Variants in CWH43 observed in about 807,000 individuals in gnomAD.
CWH43 encodes the protein cell wall biogenesis 43 C-terminal homolog.
Under a neutral mutation model 85.7 loss-of-function variants are expected in CWH43, and 91 were observed. The observed-to-expected ratio is 1.06, with a 90% CI of 0.90 to 1.26. CWH43 has a LOEUF of 1.26. CWH43 is among the 50% of genes most tolerant of loss of function. The pLI is 0.00. For missense variants in CWH43, 869 were observed against 839.2 expected (o/e 1.04, Z -0.44); for synonymous variants, 323 against 293.6 (o/e 1.10, Z -1.02).
intron 6 of CWH43, among the ~76,000 whole-genome samples, chr4:49,000,218 T>C (rs745810262): frequency 1.3e-5 from 2 of 152,160 alleles, no homozygotes; most frequent in Non-Finnish European, 2.9e-5. Context: ...AGATTTAGGA[T>C]GACAACATAG....
chr4:48,987,897 C>T (rs1453819989), intron 1 of CWH43, among the ~76,000 whole-genome samples: 4 of 151,964 alleles, frequency 2.6e-5, no homozygotes, highest in Non-Finnish European at 5.9e-5. Flanking sequence ...CTGCTTGCTG[C>T]CCTTTTGGAC....
At chr4:49,036,903 GCTACAT>G (rs1220255549) in intron 12 of CWH43, among the ~76,000 whole-genome samples, 11 of 152,238 alleles carry the variant, frequency 7.2e-5, no homozygotes, top group African/African-American at 2.2e-4. Context: ...CTCCTCCATT[GCTACAT>G]CTCCCACTAG....
intron 9 of CWH43, among the ~76,000 whole-genome samples, chr4:49,024,266 C>A (rs1263051286): frequency 6.6e-6 from 1 of 152,154 alleles, no homozygotes; most frequent in African/African-American, 2.4e-5. Flanking sequence ...TTGAAGACAG[C>A]AGGAACTTGG....
At chr4:49,029,966 T>G (rs1784042572) in intron 10 of CWH43, among the ~76,000 whole-genome samples, 1 of 152,206 alleles carries the variant, frequency 6.6e-6, no homozygotes, top group Non-Finnish European at 1.5e-5. Context: ...AGGTCCTCTG[T>G]ATGCTGAGCA....
chr4:49,008,774 C>T (rs1783251201), intron 8 of CWH43, among the ~76,000 whole-genome samples: 1 of 152,154 alleles, frequency 6.6e-6, no homozygotes, highest in Admixed American at 6.5e-5. Flanking sequence ...TGTCAAAGAT[C>T]AGATGGTTGT....
intron 10 of CWH43, among the ~76,000 whole-genome samples, chr4:49,028,970 C>A (rs1249976907): frequency 1.3e-5 from 2 of 152,162 alleles, no homozygotes; most frequent in Non-Finnish European, 2.9e-5. Context: ...TTCTGAGCAA[C>A]TCCTCATACT....
chr4:49,021,041 CAGA>C (rs1258157384), intron 9 of CWH43, among the ~76,000 whole-genome samples: 1 of 152,118 alleles, frequency 6.6e-6, no homozygotes, highest in African/African-American at 2.4e-5. Context: ...TTTTGCTGTG[CAGA>C]AGTTTTTAGT....
In CWH43 at chr4:49,028,745, C is replaced by A; in HGVS notation, c.1372+11C>A. 3 of 1,543,918 alleles carry A rather than the reference C, an allele frequency of 1.9e-6. No individual in the cohort carries two copies. The highest frequency in any genetic ancestry group is 2.7e-6 in the Non-Finnish European group (3 of 1,119,126). On this transcript the variant is annotated intron_variant, in intron 10 of 15. Coordinates refer to ENST00000226432, the MANE Select transcript of CWH43 (RefSeq NM_025087.3). The stretch of plus-strand genomic sequence containing the variant: ...TGCTCAATGAAACAGGTAAGTCTTC[C>A]TGGAATTAGTTCCAGGTTTTGAGAA...
chr4:49,000,197 T>C (rs1782945534), intron 6 of CWH43, among the ~76,000 whole-genome samples: 1 of 152,134 alleles, frequency 6.6e-6, no homozygotes, highest in Admixed American at 6.6e-5. Context: ...AGAGACTGTA[T>C]CAGTAATAGA....
At chr4:48,999,086 T>C (rs575434095) in intron 6 of CWH43, among the ~76,000 whole-genome samples, 1 of 152,236 alleles carries the variant, frequency 6.6e-6, no homozygotes, top group African/African-American at 2.4e-5. Flanking sequence ...TCCTCCTACC[T>C]GCCTCTGGTG....
intron 15 of CWH43, among the ~76,000 whole-genome samples, chr4:49,054,918 G>GATAT (rs142608503): frequency 2.0e-5 from 3 of 147,734 alleles, no homozygotes; most frequent in Admixed American, 6.8e-5. Context: ...AGTTTTTAGG[G>GATAT]ATATATATAT....
At chr4:49,023,534 C>G (rs1046472729) in intron 9 of CWH43, among the ~76,000 whole-genome samples, 2 of 152,160 alleles carry the variant, frequency 1.3e-5, no homozygotes, top group African/African-American at 2.4e-5. Flanking sequence ...ACCACCACAT[C>G]CAGCTAAATT....
intron 9 of CWH43, among the ~76,000 whole-genome samples, chr4:49,024,394 G>A (rs1203405353): frequency 1.3e-5 from 2 of 152,064 alleles, no homozygotes; most frequent in African/African-American, 2.4e-5. Flanking sequence ...GCAATTTGTT[G>A]CCTGAATACC....
rs1360639876 is a variant in CWH43, at chr4:48,988,381, T to C, written c.44-96T>C. The C allele has an allele frequency of 3.0e-5, 27 of 901,190 alleles. 1 individual carries two copies. The Admixed American group carries it at 6.0e-4, about 20-fold the overall frequency. 55.8% of individuals were successfully genotyped at this position (901,190 alleles called of 1,614,324 possible). On this transcript the variant is annotated intron_variant, in intron 1 of 15. Coordinates refer to ENST00000226432, the MANE Select transcript of CWH43 (RefSeq NM_025087.3). Reference sequence around the variant, plus strand: ...TTCAGGCCAGAGTCATGAAGAAGAATGACCAGCCCAAGCGGCTGGAGTGGA... The same window carrying C: ...TTCAGGCCAGAGTCATGAAGAAGAACGACCAGCCCAAGCGGCTGGAGTGGA...
chr4:49,061,989 G>T lies in CWH43; in HGVS notation c.*99G>T. 3.2e-6 allele frequency: 3 copies of T among 944,758 alleles called. No homozygotes were observed. The highest frequency in any genetic ancestry group is 4.2e-6 in the Non-Finnish European group (3 of 717,786). 58.5% of individuals were successfully genotyped at this position (944,758 alleles called of 1,614,324 possible). The stretch of plus-strand genomic sequence containing the variant: ...ATGAAAGTGGGAAAATACACATGAA[G>T]AACCTCAACTTAAAAAACACATGGT... On this transcript the variant is annotated 3_prime_UTR_variant, in exon 16 of 16. Coordinates refer to ENST00000226432, the MANE Select transcript of CWH43 (RefSeq NM_025087.3).
chr4:49,058,249 T>C (rs1295333074), intron 15 of CWH43, among the ~76,000 whole-genome samples: 2 of 152,194 alleles, frequency 1.3e-5, no homozygotes, highest in African/African-American at 2.4e-5. Context: ...TTATCATCTG[T>C]GTATCTACTA....
At chr4:49,033,362 T>C (rs1470773921) in intron 12 of CWH43, among the ~76,000 whole-genome samples, 3 of 152,110 alleles carry the variant, frequency 2.0e-5, no homozygotes, top group African/African-American at 7.2e-5. Flanking sequence ...TAAGTGCCCA[T>C]ATGGACTTGT....
At chr4:48,991,285 A>G (rs1782647330) in intron 2 of CWH43, among the ~76,000 whole-genome samples, 169 bp from the exon 3 acceptor site, 1 of 152,194 alleles carries the variant, frequency 6.6e-6, no homozygotes, top group Non-Finnish European at 1.5e-5. Flanking sequence ...GACTTTTATG[A>G]TATGTGAATT....
chr4:49,025,889 GT>G (rs1783901737), intron 9 of CWH43, among the ~76,000 whole-genome samples: 1 of 152,124 alleles, frequency 6.6e-6, no homozygotes, highest in African/African-American at 2.4e-5. Context: ...GGATCAGGTG[GT>G]GGGTGGGGCC....
Sources: allele counts gnomAD v4.1 joint callset (sites outside exome capture counted in the v4.1 genomes callset), GRCh38; gene constraint gnomAD v4.1.1; transcripts MANE v1.5; gene names NCBI Gene and HGNC (gene_info 2026-07-23, HGNC 2026-07-21).